Variants in INPP5A observed in about 807,000 individuals in gnomAD.
INPP5A encodes the protein inositol polyphosphate-5-phosphatase A.
In INPP5A, 14 loss-of-function variants were observed where a neutral mutation model predicts 65.2. The observed-to-expected ratio is 0.21, with a 90% confidence interval of 0.14 to 0.34. INPP5A has a LOEUF of 0.34. Among genes scored for constraint, INPP5A ranks in the 10% least tolerant of loss-of-function variants. INPP5A has a pLI of 1.00. For missense variants in INPP5A, 431 were observed against 545.6 expected (o/e 0.79, Z 2.09); for synonymous variants, 207 against 208.3 (o/e 0.99, Z 0.05).
intron 4 of INPP5A, among the ~76,000 whole-genome samples, chr10:132,657,681 A>G (rs2072676187): frequency 6.6e-6 from 1 of 152,222 alleles, no homozygotes; most frequent in African/African-American, 2.4e-5. Context: ...GTTCTCCTAA[A>G]TAAGACTTTA....
intron 8 of INPP5A, among the ~76,000 whole-genome samples, chr10:132,713,074 T>C (rs1845676593): frequency 6.6e-6 from 1 of 151,058 alleles, no homozygotes; most frequent in African/African-American, 2.4e-5. Flanking sequence ...GGAGAGCATA[T>C]GCACGTGGGT....
At chr10:132,623,805 G>T (rs1296388644) in intron 2 of INPP5A, among the ~76,000 whole-genome samples, 4 of 152,122 alleles carry the variant, frequency 2.6e-5, no homozygotes, top group Non-Finnish European at 5.9e-5. Context: ...CCAATAATAA[G>T]AAAGCAAAGA....
At chr10:132,724,923 G>A (rs1467771874) in intron 8 of INPP5A, among the ~76,000 whole-genome samples, 2 of 150,026 alleles carry the variant, frequency 1.3e-5, no homozygotes, top group Non-Finnish European at 3.0e-5. Context: ...CACCACAGAC[G>A]GGGATCACTC....
At chr10:132,634,732 C>T (rs1031061411) in intron 2 of INPP5A, among the ~76,000 whole-genome samples, 2 of 152,246 alleles carry the variant, frequency 1.3e-5, no homozygotes, top group Non-Finnish European at 2.9e-5. Flanking sequence ...TCGGTCATCA[C>T]GAATGTTCTT....
chr10:132,645,313 T>C (rs1265128070), intron 2 of INPP5A, among the ~76,000 whole-genome samples: 1 of 152,214 alleles, frequency 6.6e-6, no homozygotes, highest in Non-Finnish European at 1.5e-5. Context: ...CTGCTGTGTG[T>C]CGGCGTCCTC....
At chr10:132,595,961 T>G (rs74648849) in intron 1 of INPP5A, among the ~76,000 whole-genome samples, 2,307 of 152,228 alleles carry the variant, frequency 0.015, 33 homozygotes, top group South Asian at 0.039. Context: ...AAGAGAAGAA[T>G]TTTTGGGTGT....
intron 1 of INPP5A, among the ~76,000 whole-genome samples, chr10:132,544,172 C>T (rs2070939567): frequency 6.6e-6 from 1 of 152,248 alleles, no homozygotes; most frequent in Non-Finnish European, 1.5e-5. Context: ...CATCTAGACG[C>T]ACAGCCATAA....
intron 2 of INPP5A, among the ~76,000 whole-genome samples, chr10:132,642,847 A>G (rs80007289): frequency 0.026 from 3,927 of 152,290 alleles, 75 homozygotes; most frequent in Non-Finnish European, 0.035. Context: ...TGGTAATTTT[A>G]CATGTCATAA....
In INPP5A at chr10:132,547,504, G is replaced by C. The variant is rs2070993494; in HGVS notation, c.75+9333G>C. On this transcript the variant is annotated intron_variant, in intron 1 of 15. Transcript: ENST00000368594. This position sits in a 1 kb window ranked among gnomAD's most constrained non-coding sequence, Gnocchi z 5.5. ...CAGCTGCCGTGGTGAATATAACCGG[G>C]AGGGAGTGCCCGCCTCTGCCCACCT... 6.6e-6 allele frequency among the ~76,000 whole-genome samples: 1 copy of C among 152,162 alleles called. No individual in the cohort carries two copies. The highest frequency in any genetic ancestry group is 2.4e-5 in the African/African-American group (1 of 41,438).
chr10:132,571,306 C>G (rs1004018282), intron 1 of INPP5A, among the ~76,000 whole-genome samples: 2 of 152,256 alleles, frequency 1.3e-5, no homozygotes, highest in African/African-American at 4.8e-5. Flanking sequence ...GGCGCAAGGA[C>G]ACACCCATCC....
At position 132,678,248 on chromosome 10, in the gene INPP5A, C is replaced by T. The variant is rs966163733; in HGVS notation, c.307-12144C>T. On this transcript the variant is annotated intron_variant, in intron 4 of 15. Transcript: ENST00000368594. The surrounding 1 kb of genome is among the most constrained non-coding windows in gnomAD (Gnocchi z 4.1). ...GGGAAGTGGGCAGTAGTGAGGACGC[C>T]GCCTTGTCCAGTTGGGTCAGCCGCC... is the stretch of plus-strand genomic sequence containing the variant. 6.6e-5 allele frequency among the ~76,000 whole-genome samples: 10 copies of T among 152,276 alleles called. No individual in the cohort carries two copies. The highest frequency in any genetic ancestry group is 2.1e-4 in the South Asian group (1 of 4,824).
chr10:132,551,908 C>T lies in INPP5A; in HGVS notation c.75+13737C>T, dbSNP rs186710956. Among the ~76,000 whole-genome samples, 12 of 152,342 alleles carry T rather than the reference C, an allele frequency of 7.9e-5. No homozygotes were observed. Among genetic ancestry groups the T allele is most frequent in the East Asian group, 1.9e-4 (1 of 5,190 alleles). ...GGGGTTTGGAGCTCTGCCTGCCTTG[C>T]GGCCCAACCTGGCAGTACCCCCCAC... On this transcript the variant is annotated intron_variant, in intron 1 of 15. Coordinates refer to ENST00000368594, the MANE Select transcript of INPP5A (RefSeq NM_005539.5). The surrounding 1 kb of genome is among the most constrained non-coding windows in gnomAD (Gnocchi z 5.3).
chr10:132,612,132 G>T (rs1315179717), intron 2 of INPP5A, among the ~76,000 whole-genome samples: 11 of 144,952 alleles, frequency 7.6e-5, no homozygotes, highest in Non-Finnish European at 1.5e-5. Context: ...TCAGAGGAGG[G>T]TGAGGGAGGT....
In INPP5A at chr10:132,627,473, C is replaced by T. The variant is rs557238300; in HGVS notation, c.118-18395C>T. Among the ~76,000 whole-genome samples, 106 of 152,262 alleles carry T rather than the reference C, an allele frequency of 7.0e-4. No homozygotes were observed. Among genetic ancestry groups the T allele is most frequent in the African/African-American group, 1.9e-4 (8 of 41,528 alleles). ...CTCCCAAGATGCGTGCAGCTGTCCG[C>T]GGTGGCTGCCTCGTCCAGCAGCGTC... is the stretch of plus-strand genomic sequence containing the variant. On this transcript the variant is annotated intron_variant, in intron 2 of 15. Coordinates refer to ENST00000368594, the MANE Select transcript of INPP5A (RefSeq NM_005539.5). This position sits in a 1 kb window ranked among gnomAD's most constrained non-coding sequence, Gnocchi z 6.6.
At position 132,551,604 on chromosome 10, in the gene INPP5A, AC is replaced by A. The variant is rs1380488686; in HGVS notation, c.75+13434del. Among the ~76,000 whole-genome samples, 1 of 152,142 alleles carries A rather than the reference AC, an allele frequency of 6.6e-6. No individual in the cohort carries two copies. The highest frequency in any genetic ancestry group is 2.4e-5 in the African/African-American group (1 of 41,410). On this transcript the variant is annotated intron_variant, in intron 1 of 15. Transcript: ENST00000368594. This position sits in a 1 kb window ranked among gnomAD's most constrained non-coding sequence, Gnocchi z 5.3. ...TGCTTTAATTTTCTCCATCACCGTTACGGTTTTTCAGAGCTGTTGCAACTTC... is the reference window on the plus strand; with the variant it reads ...TGCTTTAATTTTCTCCATCACCGTTAGGTTTTTCAGAGCTGTTGCAACTTC...
chr10:132,558,180 T>A (rs1214734301), intron 1 of INPP5A, among the ~76,000 whole-genome samples: 1 of 152,174 alleles, frequency 6.6e-6, no homozygotes, highest in Non-Finnish European at 1.5e-5. Context: ...GGGCGCTCTG[T>A]GTCCTGATAG....
At chr10:132,766,785 C>T (rs558741530) in intron 12 of INPP5A, among the ~76,000 whole-genome samples, 1 of 152,376 alleles carries the variant, frequency 6.6e-6, no homozygotes, top group African/African-American at 2.4e-5. Context: ...CTGTTGGAAG[C>T]CGCAGGGGAC....
chr10:132,609,665 G>A (rs2071913986), intron 2 of INPP5A, among the ~76,000 whole-genome samples: 1 of 152,176 alleles, frequency 6.6e-6, no homozygotes, highest in South Asian at 2.1e-4. Context: ...TTGTTTTTGA[G>A]ACGGAGTCTC....
chr10:132,704,454 G>T lies in INPP5A; in HGVS notation c.475-3859G>T, dbSNP rs886932118. Among the ~76,000 whole-genome samples the T allele has an allele frequency of 1.3e-5, 2 of 152,250 alleles. No individual in the cohort carries two copies. The highest frequency in any genetic ancestry group is 2.4e-5 in the African/African-American group (1 of 41,468). On this transcript the variant is annotated intron_variant, in intron 6 of 15. Transcript: ENST00000368594. The surrounding 1 kb of genome is among the most constrained non-coding windows in gnomAD (Gnocchi z 4.5). ...CCTTTCTGGTCGGCCCGAGGGTTGGGTGTGTGCCTGTGTGTTGGACGCCAG... is the reference window on the plus strand; with the variant it reads ...CCTTTCTGGTCGGCCCGAGGGTTGGTTGTGTGCCTGTGTGTTGGACGCCAG...
Sources: allele counts gnomAD v4.1 joint callset (sites outside exome capture counted in the v4.1 genomes callset), GRCh38; gene constraint gnomAD v4.1.1; non-coding constraint Gnocchi (gnomAD v3.1); transcripts MANE v1.5; gene names NCBI Gene and HGNC (gene_info 2026-07-23, HGNC 2026-07-21).